The following ADGRG2 variants were observed in gnomAD, a reference collection of about 807,000 sequenced individuals.
ADGRG2 encodes G protein-coupled receptor 64.
A neutral mutation model predicts 74.1 loss-of-function variants in ADGRG2; 26 were observed. That is an observed-to-expected ratio of 0.35 (90% CI 0.26 to 0.49). The LOEUF is 0.49. ADGRG2 is among the 20% of genes least tolerant of loss of function. The probability of loss-of-function intolerance (pLI) is 0.99; values close to 1 mark genes in which losing one functional copy is unlikely to be tolerated. For missense variants in ADGRG2, 619 were observed against 763.1 expected, an observed-to-expected ratio of 0.81 and a Z score of 2.22; for synonymous variants, 296 against 295.2, an observed-to-expected ratio of 1.00 and a Z score of -0.03.
At chrX:19,116,901 G>T (rs2147094201) in intron 1 of ADGRG2, among the ~76,000 whole-genome samples, 1 of 112,516 alleles carries the variant, frequency 8.9e-6, no homozygotes, top group South Asian at 3.6e-4. Flanking sequence ...ACAGATGAAA[G>T]ATAATTGAAA....
chrX:19,030,135 A>G (rs2060794637), intron 9 of ADGRG2, among the ~76,000 whole-genome samples: 2 of 112,396 alleles, frequency 1.8e-5, no homozygotes, highest in African/African-American at 6.5e-5. Context: ...TGTTAAAAGG[A>G]ATGGAATAAA....
At chrX:19,107,822 T>C (rs1263729662) in intron 1 of ADGRG2, among the ~76,000 whole-genome samples, 8 of 109,585 alleles carry the variant, frequency 7.3e-5, no homozygotes, top group South Asian at 3.9e-4. Flanking sequence ...AAGTATAGGC[T>C]GGGCGCGGTG....
chrX:19,082,092 A>G (rs1185960642), intron 2 of ADGRG2, among the ~76,000 whole-genome samples: 12 of 107,935 alleles, frequency 1.1e-4, no homozygotes, highest in African/African-American at 3.7e-4. Flanking sequence ...AAAAAAAAAA[A>G]AAAAAGAAAA....
chrX:19,016,665 A>G (rs756822404), intron 15 of ADGRG2, among the ~76,000 whole-genome samples: 3 of 105,158 alleles, frequency 2.9e-5, no homozygotes, highest in African/African-American at 1.0e-4. Context: ...ATCTAGCATT[A>G]GGTATATCTC....
chrX:19,016,598 GGTTA>G (rs1466005901), intron 15 of ADGRG2, among the ~76,000 whole-genome samples: 1 of 108,169 alleles, frequency 9.2e-6, no homozygotes, highest in Non-Finnish European at 1.9e-5. Flanking sequence ...ACAATGTGCA[GGTTA>G]GTTACATATG....
chrX:19,092,495 G>A (rs1021265189), intron 1 of ADGRG2, among the ~76,000 whole-genome samples: 4 of 110,637 alleles, frequency 3.6e-5, no homozygotes, highest in African/African-American at 9.9e-5. Context: ...CAGGGTCAAA[G>A]GCAGGAGGGG....
chrX:19,046,486 G>A (rs2061191123), intron 3 of ADGRG2, among the ~76,000 whole-genome samples: 1 of 112,444 alleles, frequency 8.9e-6, no homozygotes, highest in African/African-American at 3.2e-5. Flanking sequence ...TACCTTCCAG[G>A]AATCTAGTCC....
chrX:19,092,563 G>C (rs768436099), intron 1 of ADGRG2, among the ~76,000 whole-genome samples: 49 of 111,479 alleles, frequency 4.4e-4, no homozygotes, highest in African/African-American at 1.5e-3. Context: ...TGCAGGGGAA[G>C]GCCATAGCCT....
At chrX:19,091,333 A>G (rs747379219) in intron 1 of ADGRG2, among the ~76,000 whole-genome samples, 1 of 110,917 alleles carries the variant, frequency 9.0e-6, no homozygotes, top group East Asian at 2.8e-4. Context: ...CAATTTTTGC[A>G]TGGAAAATGA....
intron 17 of ADGRG2, among the ~76,000 whole-genome samples, chrX:19,010,118 T>C (rs1455526180): frequency 1.9e-5 from 2 of 104,495 alleles, no homozygotes; most frequent in African/African-American, 6.9e-5. Context: ...CTTGTTTTTG[T>C]TTTTGTTTTT....
intron 9 of ADGRG2, among the ~76,000 whole-genome samples, chrX:19,028,850 A>T (rs765299827): frequency 1.8e-5 from 2 of 111,873 alleles, no homozygotes. Context: ...GGCTCAGCCA[A>T]CGTTTTTGGT....
chrX:19,001,752 A>G (rs1470473318), intron 24 of ADGRG2, among the ~76,000 whole-genome samples: 3 of 111,526 alleles, frequency 2.7e-5, no homozygotes, highest in Non-Finnish European at 5.6e-5. Context: ...CTTGATGTGT[A>G]GGAATATTTA....
intron 24 of ADGRG2, among the ~76,000 whole-genome samples, chrX:19,000,222 C>T (rs1601849157): frequency 9.0e-6 from 1 of 111,520 alleles, no homozygotes; most frequent in South Asian, 3.8e-4. Flanking sequence ...TGGTCTCGAT[C>T]TCCTGACCTC....
intron 3 of ADGRG2, among the ~76,000 whole-genome samples, chrX:19,061,082 C>T (rs749424662): frequency 8.9e-6 from 1 of 111,819 alleles, no homozygotes; most frequent in Non-Finnish European, 1.9e-5. Flanking sequence ...ATCAGTTGAG[C>T]TCCTTCCTCA....
intron 3 of ADGRG2, among the ~76,000 whole-genome samples, chrX:19,067,831 A>C (rs1349507698): frequency 8.9e-6 from 1 of 112,346 alleles, no homozygotes. Flanking sequence ...AAAGGACTTG[A>C]ATAGACACTT....
Position 19,045,806 on chromosome X carries a change from T to C in ADGRG2, c.119-5582A>G, listed in dbSNP as rs185293837. ...CCCCATACAGTAATCCATCCACCAA[T>C]TGTACACCCACAGTCTCAATTCAGC... On this transcript the variant is annotated intron_variant, in intron 3 of 28. Transcript: ENST00000379869. Among the ~76,000 whole-genome samples the C allele has an allele frequency of 2.3e-4, 26 of 111,323 alleles. 1 individual carries two copies. The highest frequency in any genetic ancestry group is 2.2e-3 in the Admixed American group (23 of 10,480).
chrX:19,019,534 T>G (rs2060541072), intron 15 of ADGRG2, 65 bp downstream of exon 15: 2 of 634,411 alleles, frequency 3.2e-6, no homozygotes, highest in Non-Finnish European at 5.1e-6. Context: ...TAAAACTCCT[T>G]AGCTAGCATG....
intron 1 of ADGRG2, among the ~76,000 whole-genome samples, chrX:19,118,560 A>AT (rs1210321076): frequency 2.7e-5 from 3 of 110,367 alleles, no homozygotes; most frequent in East Asian, 2.9e-4. Flanking sequence ...TAATTTTTTA[A>AT]TTTTTTTTGT....
At chrX:19,116,008 G>A (rs1287130038) in intron 1 of ADGRG2, among the ~76,000 whole-genome samples, 2 of 110,219 alleles carry the variant, frequency 1.8e-5, no homozygotes, top group Non-Finnish European at 3.8e-5. Context: ...CCAGGAGTTC[G>A]AGACCAGCCT....
Sources: gnomAD v4.1 joint callset for allele counts (sites outside exome capture counted in the v4.1 genomes callset) on GRCh38, gnomAD v4.1.1 for gene constraint, MANE v1.5 for transcripts, NCBI Gene and HGNC (gene_info 2026-07-23, HGNC 2026-07-21) for gene names.